Variants in DLGAP1 observed in about 807,000 individuals in gnomAD.
DLGAP1 encodes the protein disks large-associated protein 1.
DLGAP1 carries 11 observed loss-of-function variants against 90.8 expected under a neutral mutation model. The observed-to-expected ratio is 0.12, with a 90% confidence interval of 0.08 to 0.20. DLGAP1 has a LOEUF of 0.20. Among genes scored for constraint, DLGAP1 ranks in the 10% least tolerant of loss-of-function variants. The pLI is 1.00. For missense variants in DLGAP1, 1,050 were observed against 1,333.8 expected (o/e 0.79, Z 3.31); for synonymous variants, 558 against 540.7 (o/e 1.03, Z -0.44).
rs114655892 is a variant in DLGAP1, at chr18:4,119,581, C to T, written c.-159+31599G>A. On this transcript the variant is annotated intron_variant, in intron 2 of 12. Transcript: ENST00000315677. ...GGAATGTGTTTAGCAATACGGAATACGGTGAGGATGACAGCCGAAGGCACA... is the reference window on the plus strand; with the variant it reads ...GGAATGTGTTTAGCAATACGGAATATGGTGAGGATGACAGCCGAAGGCACA... 6.9e-3 allele frequency among the ~76,000 whole-genome samples: 1,053 copies of T among 152,216 alleles called. 14 individuals carry two copies. Among genetic ancestry groups the T allele is most frequent in the African/African-American group, 0.024 (997 of 41,512 alleles).
chr18:3,522,546 CTTTTTTTT>C (rs532794429), intron 10 of DLGAP1, among the ~76,000 whole-genome samples: 3,355 of 116,564 alleles, frequency 0.029, 85 homozygotes, highest in African/African-American at 0.06. Context: ...GCAGTCAACT[CTTTTTTTT>C]TTTTTTTTTT....
intron 1 of DLGAP1, among the ~76,000 whole-genome samples, chr18:4,197,997 G>C (rs577889816): frequency 6.6e-6 from 1 of 152,132 alleles, no homozygotes; most frequent in African/African-American, 2.4e-5. Context: ...TGAGGCGGGC[G>C]GATCACGAGA....
chr18:3,622,354 T>C (rs1567851152), intron 7 of DLGAP1, among the ~76,000 whole-genome samples: 3 of 152,154 alleles, frequency 2.0e-5, no homozygotes, highest in Admixed American at 1.3e-4. Context: ...ATCTGCCTGC[T>C]TCATTCTCCC....
intron 3 of DLGAP1, among the ~76,000 whole-genome samples, chr18:3,962,082 A>G (rs1261050089): frequency 2.0e-5 from 3 of 152,212 alleles, no homozygotes. Flanking sequence ...TTGATTCTCA[A>G]AAAGATCTGG....
At chr18:3,521,633 C>T (rs2051195713) in intron 10 of DLGAP1, among the ~76,000 whole-genome samples, 1 of 152,188 alleles carries the variant, frequency 6.6e-6, no homozygotes, top group Non-Finnish European at 1.5e-5. Flanking sequence ...CCTTTCACCT[C>T]TCCCTCCTCA....
intron 1 of DLGAP1, among the ~76,000 whole-genome samples, chr18:4,246,689 T>C (rs1262645167): frequency 2.0e-5 from 3 of 152,186 alleles, no homozygotes; most frequent in Admixed American, 2.0e-4. Context: ...CGAGGGTAAT[T>C]GCTTAGAACA....
At chr18:3,708,545 G>A in intron 7 of DLGAP1, 1 of 456,548 alleles carries the variant, frequency 2.2e-6, no homozygotes. Context: ...TCCGTTTCCT[G>A]CCTCTTCCTC....
chr18:3,671,065 C>T (rs1433181654), intron 7 of DLGAP1, among the ~76,000 whole-genome samples: 2 of 152,112 alleles, frequency 1.3e-5, no homozygotes, highest in African/African-American at 4.8e-5. Flanking sequence ...CCCATCCCTT[C>T]TTTCTTTTTC....
intron 1 of DLGAP1, among the ~76,000 whole-genome samples, chr18:4,245,170 T>G (rs117117635): frequency 0.019 from 2,852 of 152,268 alleles, 36 homozygotes; most frequent in Non-Finnish European, 0.027. Flanking sequence ...GCTTGTACAT[T>G]TGCTTAGGAA....
chr18:4,296,829 C>G (rs547097540), intron 1 of DLGAP1, among the ~76,000 whole-genome samples: 7 of 152,176 alleles, frequency 4.6e-5, no homozygotes. Flanking sequence ...AAAGACAGAG[C>G]GGGTGGCATC....
At chr18:3,555,954 GA>G in intron 9 of DLGAP1, among the ~76,000 whole-genome samples, 1 of 152,094 alleles carries the variant, frequency 6.6e-6, no homozygotes, top group East Asian at 1.9e-4. Flanking sequence ...TTATTATCTT[GA>G]AACTTCTTTC....
At chr18:3,721,511 GT>G (rs1171307641) in intron 7 of DLGAP1, 4 of 152,004 alleles carry the variant, frequency 2.6e-5, no homozygotes, top group East Asian at 3.9e-4. Context: ...TTTCAGTCTA[GT>G]TTTTTTCATC....
At chr18:4,248,966 C>T (rs1406521179) in intron 1 of DLGAP1, among the ~76,000 whole-genome samples, 3 of 152,206 alleles carry the variant, frequency 2.0e-5, no homozygotes, top group Non-Finnish European at 4.4e-5. Context: ...GTATGTGCTG[C>T]CTTTGCCTGG....
intron 1 of DLGAP1, among the ~76,000 whole-genome samples, chr18:4,290,603 C>A (rs1373369493): frequency 6.6e-6 from 1 of 152,084 alleles, no homozygotes; most frequent in South Asian, 2.1e-4. Flanking sequence ...CAAAGACGGA[C>A]AGTCTAGAAC....
Position 3,729,426 on chromosome 18 carries a change from C to G in DLGAP1, c.1351-51G>C, listed in dbSNP as rs1422274638. Reference sequence around the variant, plus strand: ...CACTCGCCTCCACCTGGTGGAGGATCAACCTCTCCAAGCATCTGCGAACTT... The same window carrying G: ...CACTCGCCTCCACCTGGTGGAGGATGAACCTCTCCAAGCATCTGCGAACTT... On this transcript the variant is annotated intron_variant, in intron 6 of 12. Coordinates refer to ENST00000315677, the MANE Select transcript of DLGAP1 (RefSeq NM_004746.4). This position sits in a 1 kb window ranked among gnomAD's most constrained non-coding sequence, Gnocchi z 6.2. The G allele has an allele frequency of 6.3e-7, 1 of 1,579,016 alleles. No individual in the cohort carries two copies. Among genetic ancestry groups the G allele is most frequent in the South Asian group, 1.2e-5 (1 of 85,930 alleles).
chr18:3,834,299 C>G (rs1185444276), intron 4 of DLGAP1, among the ~76,000 whole-genome samples: 1 of 102,264 alleles, frequency 9.8e-6, no homozygotes, highest in Admixed American at 1.4e-4. Flanking sequence ...GAGCAAGACT[C>G]TGTCTCAAAA....
intron 1 of DLGAP1, among the ~76,000 whole-genome samples, chr18:4,326,581 G>T (rs999940028): frequency 6.6e-5 from 10 of 152,028 alleles, no homozygotes; most frequent in African/African-American, 2.2e-4. Flanking sequence ...GCAAAGGCAC[G>T]GAATCAAACT....
chr18:3,832,505 C>T (rs928556987), intron 4 of DLGAP1, among the ~76,000 whole-genome samples: 1 of 152,008 alleles, frequency 6.6e-6, no homozygotes, highest in Admixed American at 6.6e-5. Flanking sequence ...AGTAATTATT[C>T]GTTTAGACTA....
chr18:3,530,934 G>A (rs1039430531), intron 10 of DLGAP1, among the ~76,000 whole-genome samples: 1 of 152,134 alleles, frequency 6.6e-6, no homozygotes, highest in African/African-American at 2.4e-5. Context: ...ATTTGACAGG[G>A]GTCAGGCAGG....
Sources: allele counts gnomAD v4.1 joint callset (sites outside exome capture counted in the v4.1 genomes callset), GRCh38; gene constraint gnomAD v4.1.1; non-coding constraint Gnocchi (gnomAD v3.1); transcripts MANE v1.5; gene names NCBI Gene and HGNC (gene_info 2026-07-23, HGNC 2026-07-21).